The following SLC13A3 variants were observed in gnomAD, a reference collection of about 807,000 sequenced individuals.
SLC13A3 encodes solute carrier family 13 member 3.
A neutral mutation model predicts 59.0 loss-of-function variants in SLC13A3; 40 were observed. The observed-to-expected ratio is 0.68, with a 90% confidence interval of 0.53 to 0.88. The LOEUF (loss-of-function observed/expected upper bound fraction) is 0.88. SLC13A3 is among the 40% of genes least tolerant of loss of function. The pLI, the probability that SLC13A3 is intolerant of heterozygous loss-of-function variation, is 0.00. For missense variants in SLC13A3, 699 were observed against 783.2 expected (o/e 0.89, Z 1.28); for synonymous variants, 317 against 330.3 (o/e 0.96, Z 0.44).
chr20:46,615,896 T>C (rs2062549587), intron 1 of SLC13A3, among the ~76,000 whole-genome samples: 1 of 152,202 alleles, frequency 6.6e-6, no homozygotes, highest in Non-Finnish European at 1.5e-5. Flanking sequence ...AGATACATTG[T>C]TTTAGAGAAA....
At position 46,636,627 on chromosome 20, in the gene SLC13A3, G is replaced by A. The variant is rs566043123; in HGVS notation, c.111+14684C>T. ...TGGCTCCTCATCACAGCCCCATGAG[G>A]CTGGTGGGCCTGTAGGACAGATGAG... is the stretch of plus-strand genomic sequence containing the variant. On this transcript the variant is annotated intron_variant, in intron 1 of 12. Coordinates refer to ENST00000279027, the MANE Select transcript of SLC13A3 (RefSeq NM_022829.6). Among the ~76,000 whole-genome samples the A allele has an allele frequency of 3.9e-5, 6 of 152,252 alleles. No homozygotes were observed. The East Asian group carries it at 1.2e-3, about 29-fold the overall frequency.
intron 1 of SLC13A3, among the ~76,000 whole-genome samples, chr20:46,660,427 A>C (rs1418396925): frequency 2.6e-5 from 4 of 152,026 alleles, no homozygotes; most frequent in African/African-American, 4.8e-5. Context: ...TCAAGTTTCT[A>C]TTGTTTCTGG....
At chr20:46,576,763 C>T (rs745894860) in intron 9 of SLC13A3, among the ~76,000 whole-genome samples, 6 of 152,194 alleles carry the variant, frequency 3.9e-5, no homozygotes, top group Non-Finnish European at 8.8e-5. Flanking sequence ...AGTTTACCAT[C>T]TCCCAGGACA....
At chr20:46,628,242 T>A (rs760524851) in intron 1 of SLC13A3, among the ~76,000 whole-genome samples, 3 of 152,192 alleles carry the variant, frequency 2.0e-5, no homozygotes, top group African/African-American at 7.2e-5. Flanking sequence ...GTGTCTGATT[T>A]TGCAGACTTA....
In SLC13A3 at chr20:46,589,219, A is replaced by G. The variant is rs191161551; in HGVS notation, c.957T>C (p.Asn319=). 1.5e-4 allele frequency: 245 copies of G among 1,614,198 alleles called. 1 individual carries two copies. In the East Asian group the frequency reaches 3.8e-3, roughly 25 times the overall value. ...TTACAGCTCGAGCCCTATCTTCTGC[A>G]TTGGTTCTTATCTCAGATTTATTCT... ...WRKNKSEIRT[N]AEDRARAVIR... is the part of the protein sequence containing the mutation. The change falls in exon 7 of 13, where the codon AAT becomes AAC. Residue 319 remains asparagine (N), a synonymous_variant. Transcript: ENST00000279027.
chr20:46,563,685 A>G (rs2061954466), intron 11 of SLC13A3, 134 bp from the exon 12 acceptor site: 2 of 971,510 alleles, frequency 2.1e-6, no homozygotes, highest in Admixed American at 2.9e-5. Flanking sequence ...AAAGACATCC[A>G]TAGAGATTGG....
intron 11 of SLC13A3, among the ~76,000 whole-genome samples, chr20:46,564,631 C>A (rs183540118): frequency 8.2e-4 from 125 of 152,250 alleles, no homozygotes; most frequent in Non-Finnish European, 1.6e-3. Flanking sequence ...GACTCCCACC[C>A]CATACTGCTA....
intron 1 of SLC13A3, among the ~76,000 whole-genome samples, chr20:46,661,767 C>T (rs1003733538): frequency 6.6e-6 from 1 of 152,066 alleles, no homozygotes; most frequent in Non-Finnish European, 1.5e-5. Context: ...AGTCAAAAGC[C>T]AGGCATGCCT....
chr20:46,606,400 T>C (rs1344230075), intron 3 of SLC13A3, among the ~76,000 whole-genome samples: 1 of 152,230 alleles, frequency 6.6e-6, no homozygotes, highest in Non-Finnish European at 1.5e-5. Flanking sequence ...GGTTAGCATA[T>C]GGATGAGCAC....
At chr20:46,648,665 G>A (rs145001171) in intron 1 of SLC13A3, among the ~76,000 whole-genome samples, 161 of 152,310 alleles carry the variant, frequency 1.1e-3, no homozygotes, top group African/African-American at 3.8e-3. Flanking sequence ...AGCACTTTGC[G>A]TAGCCGAGGC....
intron 1 of SLC13A3, among the ~76,000 whole-genome samples, chr20:46,657,653 G>A (rs2063003360): frequency 6.6e-6 from 1 of 152,080 alleles, no homozygotes; most frequent in African/African-American, 2.4e-5. Context: ...AGAAATATGT[G>A]AGGCTGAGTA....
chr20:46,581,803 C>G (rs1296249473), intron 9 of SLC13A3, among the ~76,000 whole-genome samples: 1 of 152,152 alleles, frequency 6.6e-6, no homozygotes, highest in East Asian at 1.9e-4. Flanking sequence ...ACCTAATAAG[C>G]AGCAGAAACC....
chr20:46,611,214 A>C (rs754117764), intron 2 of SLC13A3, among the ~76,000 whole-genome samples: 6 of 152,238 alleles, frequency 3.9e-5, no homozygotes, highest in Non-Finnish European at 8.8e-5. Flanking sequence ...ATTTATTGGA[A>C]AATCCTTCCT....
intron 4 of SLC13A3, among the ~76,000 whole-genome samples, chr20:46,597,164 G>A (rs1600536298): frequency 6.6e-6 from 1 of 152,108 alleles, no homozygotes; most frequent in Non-Finnish European, 1.5e-5. Context: ...CCTTTCCCAG[G>A]AGTGGAATTA....
chr20:46,579,824 C>T (rs755157395), intron 9 of SLC13A3, among the ~76,000 whole-genome samples: 33 of 152,186 alleles, frequency 2.2e-4, no homozygotes, highest in Non-Finnish European at 4.3e-4. Context: ...GAAAAATCAG[C>T]AAATCTGACT....
intron 1 of SLC13A3, among the ~76,000 whole-genome samples, chr20:46,641,673 A>C (rs1039619284): frequency 1.3e-5 from 2 of 152,204 alleles, no homozygotes; most frequent in African/African-American, 4.8e-5. Context: ...AAAAGAAGGC[A>C]CATGAGGCTG....
intron 12 of SLC13A3, among the ~76,000 whole-genome samples, chr20:46,560,667 C>T (rs2091424): frequency 0.038 from 5,752 of 152,174 alleles, 368 homozygotes; most frequent in African/African-American, 0.13. Context: ...TGTAGGAACA[C>T]ACATATGTAC....
upstream of SLC13A3, among the ~76,000 whole-genome samples, chr20:46,654,796 G>A (rs1021353428): frequency 2.6e-5 from 4 of 152,126 alleles, no homozygotes; most frequent in African/African-American, 7.2e-5. Flanking sequence ...AACACAAATT[G>A]TTGGGATTAT....
chr20:46,585,861 G>C (rs2062185863), intron 8 of SLC13A3: 2 of 1,137,378 alleles, frequency 1.8e-6, no homozygotes, highest in Non-Finnish European at 2.2e-6. Flanking sequence ...CAGGAGATCA[G>C]AATTTATGTC....
Sources: allele counts gnomAD v4.1 joint callset (sites outside exome capture counted in the v4.1 genomes callset), GRCh38; gene constraint gnomAD v4.1.1; transcripts MANE v1.5; gene names NCBI Gene and HGNC (gene_info 2026-07-23, HGNC 2026-07-21).